Variants in TMIGD3 observed in about 807,000 individuals in gnomAD.
TMIGD3 encodes the protein transmembrane and immunoglobulin domain containing 3.
In TMIGD3, 21 loss-of-function variants were observed where a neutral mutation model predicts 28.1. That is an observed-to-expected ratio of 0.75 (90% CI 0.53 to 1.08). The LOEUF (loss-of-function observed/expected upper bound fraction) is 1.08, where lower values mean the gene tolerates loss of function less well. TMIGD3 is among the 50% of genes least tolerant of loss of function. The pLI is 0.00. For missense variants in TMIGD3, 416 were observed against 435.6 expected (o/e 0.96, Z 0.40); for synonymous variants, 151 against 162.1 (o/e 0.93, Z 0.52).
intron 1 of TMIGD3, among the ~76,000 whole-genome samples, chr1:111,549,309 CTT>C (rs767231547): frequency 8.0e-6 from 1 of 125,578 alleles, no homozygotes. Flanking sequence ...CAGTCATGGG[CTT>C]TTTTTTTTTT....
At chr1:111,562,917 T>A (rs764116773) in intron 1 of TMIGD3, among the ~76,000 whole-genome samples, 2 of 152,242 alleles carry the variant, frequency 1.3e-5, no homozygotes, top group Non-Finnish European at 2.9e-5. Flanking sequence ...GCCAAAAAGA[T>A]ACATTGATTA....
chr1:111,550,329 C>T (rs1180369293), intron 1 of TMIGD3, among the ~76,000 whole-genome samples: 1 of 152,052 alleles, frequency 6.6e-6, no homozygotes, highest in African/African-American at 2.4e-5. Flanking sequence ...TTTTCATTTA[C>T]TTTCACTCTA....
In TMIGD3 at chr1:111,488,981, C is replaced by T; in HGVS notation, c.501G>A (p.Leu167=). The T allele has an allele frequency of 6.2e-7, 1 of 1,613,976 alleles. No individual in the cohort carries two copies. The highest frequency in any genetic ancestry group is 1.1e-5 in the South Asian group (1 of 91,076). ...AGTTGCAGATGGCAGAAGCCGTGTC[C>T]AGCACAAAGCTTCTCTTGACCTTTT... ...MDEKVKRSFV[L]DTASAICNYN... is the part of the protein sequence containing the mutation. The change falls in exon 3 of 6, where the codon CTG becomes CTA. Residue 167 remains leucine, a synonymous_variant. Coordinates refer to ENST00000369716, the MANE Select transcript of TMIGD3 (RefSeq NM_020683.7).
intron 1 of TMIGD3, among the ~76,000 whole-genome samples, chr1:111,529,956 GCGCCCCT>G: frequency 7.4e-6 from 1 of 135,040 alleles, no homozygotes; most frequent in African/African-American, 2.8e-5. Context: ...CCGGGCAGAG[GCGCCCCT>G]CACCTCCCGG....
chr1:111,498,844 G>C (rs1204327536), intron 1 of TMIGD3, among the ~76,000 whole-genome samples: 1 of 152,196 alleles, frequency 6.6e-6, no homozygotes, highest in African/African-American at 2.4e-5. Flanking sequence ...CCAACACTTT[G>C]GCAAGGCCAA....
intron 1 of TMIGD3, among the ~76,000 whole-genome samples, chr1:111,531,720 T>C (rs1656465288): frequency 6.6e-6 from 1 of 151,852 alleles, no homozygotes; most frequent in South Asian, 2.1e-4. Flanking sequence ...TTTAAAATTA[T>C]TTATTTATTT....
chr1:111,490,326 G>T lies in TMIGD3; in HGVS notation c.457+330C>A, dbSNP rs532982266. 6 of 240,668 alleles carry T rather than the reference G, an allele frequency of 2.5e-5. No individual in the cohort carries two copies. In the Admixed American group the frequency reaches 3.1e-4, roughly 13 times the overall value. 14.9% of individuals were successfully genotyped at this position (240,668 alleles called of 1,614,324 possible). ...AGTGGAGATGCTGGGGAAAAATATG[G>T]AATGCGTAATGAATTTGCATGTCAT... On this transcript the variant is annotated intron_variant, in intron 2 of 5. Coordinates refer to ENST00000369716, the MANE Select transcript of TMIGD3 (RefSeq NM_020683.7).
intron 1 of TMIGD3, among the ~76,000 whole-genome samples, chr1:111,550,493 T>C (rs975788356): frequency 6.6e-6 from 1 of 152,230 alleles, no homozygotes; most frequent in African/African-American, 2.4e-5. Context: ...CTAAGCATTC[T>C]TCCAACATTC....
chr1:111,489,767 A>C, intron 2 of TMIGD3: 3 of 1,017,122 alleles, frequency 2.9e-6, no homozygotes, highest in Non-Finnish European at 3.6e-6. Flanking sequence ...CTGAAAACAG[A>C]GGAAGTCATG....
chr1:111,484,222 T>G (rs1452875527), intron 5 of TMIGD3, among the ~76,000 whole-genome samples: 1 of 152,222 alleles, frequency 6.6e-6, no homozygotes, highest in African/African-American at 2.4e-5. Context: ...TGATGTGTGA[T>G]AGTTTGTCTT....
chr1:111,522,768 G>A (rs141751912), intron 1 of TMIGD3, among the ~76,000 whole-genome samples: 138 of 152,030 alleles, frequency 9.1e-4, no homozygotes, highest in African/African-American at 3.1e-3. Context: ...TGCCCGCCTC[G>A]GCCTCTCAAA....
At chr1:111,521,682 A>G (rs1251349056) in intron 1 of TMIGD3, among the ~76,000 whole-genome samples, 1 of 152,198 alleles carries the variant, frequency 6.6e-6, no homozygotes, top group Non-Finnish European at 1.5e-5. Flanking sequence ...CTTTCGTCAG[A>G]TATAAGATTT....
intron 1 of TMIGD3, among the ~76,000 whole-genome samples, chr1:111,537,349 TA>T (rs1404040365): frequency 1.3e-5 from 2 of 152,232 alleles, no homozygotes; most frequent in Non-Finnish European, 1.5e-5. Flanking sequence ...AGGAGCTCAA[TA>T]AATATCTTGT....
chr1:111,503,938 T>C (rs908532798), upstream of TMIGD3: 1 of 985,410 alleles, frequency 1.0e-6, no homozygotes, highest in Non-Finnish European at 1.2e-6. Flanking sequence ...GCACTGACTA[T>C]GCAATCTTTC....
At chr1:111,489,923 G>C (rs999888926) in intron 2 of TMIGD3, among the ~76,000 whole-genome samples, 1 of 152,140 alleles carries the variant, frequency 6.6e-6, no homozygotes, top group African/African-American at 2.4e-5. Flanking sequence ...TGACCAAGAA[G>C]AGGAGATGAG....
intron 3 of TMIGD3, 120 bp from the exon 4 acceptor site, chr1:111,486,772 A>G: frequency 1.2e-6 from 1 of 811,406 alleles, no homozygotes; most frequent in Non-Finnish European, 2.1e-6. Context: ...GGTTGACTCC[A>G]GAGTAAAGCA....
At chr1:111,522,518 C>CT (rs1375113931) in intron 1 of TMIGD3, among the ~76,000 whole-genome samples, 2,130 of 135,610 alleles carry the variant, frequency 0.016, 37 homozygotes, top group African/African-American at 0.04. Context: ...TTGTTTGTTG[C>CT]TTTTTTTTTT....
At position 111,483,462 on chromosome 1, in the gene TMIGD3, T is replaced by A; in HGVS notation, c.*225A>T. 1.9e-6 allele frequency: 1 copy of A among 516,612 alleles called. No homozygotes were observed. The highest frequency in any genetic ancestry group is 3.5e-6 in the Non-Finnish European group (1 of 286,696). The allele number at this position is 516,612 out of a possible 1,614,324, so 32.0% of individuals were successfully genotyped here. The stretch of plus-strand genomic sequence containing the variant: ...TCTGACTGATGGAATGCATAAGAAC[T>A]AAGATCTTGAGATGTTATTTGAGGG... On this transcript the variant is annotated 3_prime_UTR_variant, in exon 6 of 6. Transcript: ENST00000369716.
chr1:111,512,477 C>A (rs1193420196), intron 1 of TMIGD3, among the ~76,000 whole-genome samples: 1 of 152,236 alleles, frequency 6.6e-6, no homozygotes, highest in Non-Finnish European at 1.5e-5. Context: ...TGACCTTAGC[C>A]AAACTGCTTA....
Sources: allele counts gnomAD v4.1 joint callset (sites outside exome capture counted in the v4.1 genomes callset), GRCh38; gene constraint gnomAD v4.1.1; transcripts MANE v1.5; gene names NCBI Gene and HGNC (gene_info 2026-07-23, HGNC 2026-07-21).